The following RNF217 variants were observed in gnomAD, a reference collection of about 807,000 sequenced individuals.
The protein encoded by RNF217 is E3 ubiquitin-protein ligase RNF217.
Under a neutral mutation model 57.8 loss-of-function variants are expected in RNF217, and 31 were observed. The observed-to-expected ratio is 0.54, with a 90% CI of 0.40 to 0.72. The LOEUF is 0.72. Ranked by LOEUF, RNF217 falls within the 30% of genes least tolerant of loss-of-function variation. The pLI, the probability that RNF217 is intolerant of heterozygous loss-of-function variation, is 0.00. For missense variants in RNF217, 696 were observed against 708.3 expected (o/e 0.98, Z 0.20); for synonymous variants, 313 against 294.0 (o/e 1.06, Z -0.66).
intron 1 of RNF217, among the ~76,000 whole-genome samples, chr6:125,040,030 C>A (rs756139809): frequency 6.7e-6 from 1 of 150,258 alleles, no homozygotes; most frequent in Admixed American, 6.6e-5. Flanking sequence ...AACATCACAA[C>A]TGTAGAGAAG....
At chr6:125,081,017 A>G (rs1316119411) in intron 4 of RNF217, among the ~76,000 whole-genome samples, 1 of 152,034 alleles carries the variant, frequency 6.6e-6, no homozygotes, top group Non-Finnish European at 1.5e-5. Flanking sequence ...TGTAGGACCT[A>G]CCAGCTCTCC....
chr6:125,013,409 C>T (rs754975390), intron 1 of RNF217, among the ~76,000 whole-genome samples: 6 of 147,914 alleles, frequency 4.1e-5, no homozygotes, highest in South Asian at 2.1e-4. Flanking sequence ...AGAGCATGGT[C>T]GTGGAACGGT....
chr6:125,017,065 C>CT (rs1263310599), intron 1 of RNF217, among the ~76,000 whole-genome samples: 1 of 152,138 alleles, frequency 6.6e-6, no homozygotes, highest in African/African-American at 2.4e-5. Context: ...CTCTTTGCTT[C>CT]TTTTCCCTTT....
rs1019339350 is a variant in RNF217, at chr6:124,962,788, C to A, written c.244C>A (p.Arg82=). 2.5e-6 allele frequency: 4 copies of A among 1,596,890 alleles called. No individual in the cohort carries two copies. The African/African-American group carries it at 4.0e-5, about 16-fold the overall frequency. ...SLGPPGWSKS[R]APAQPAGLAL... ...GGGGCCCCCGGGCTGGAGTAAGAGC[C>A]GAGCACCGGCGCAGCCTGCGGGACT... The change falls in exon 1 of 6, where the codon CGA becomes AGA. Residue 82 remains arginine, a synonymous_variant. Coordinates refer to ENST00000521654, the MANE Select transcript of RNF217 (RefSeq NM_001286398.3). The surrounding 1 kb of genome is among the most constrained non-coding windows in gnomAD (Gnocchi z 4.6).
chr6:125,026,576 A>T (rs1382289159), intron 1 of RNF217, among the ~76,000 whole-genome samples: 5 of 152,246 alleles, frequency 3.3e-5, no homozygotes, highest in Non-Finnish European at 5.9e-5. Context: ...TTCTGTGTAG[A>T]AAGAATGACA....
At chr6:125,021,860 T>C (rs1281485472) in intron 1 of RNF217, among the ~76,000 whole-genome samples, 1 of 151,998 alleles carries the variant, frequency 6.6e-6, no homozygotes, top group East Asian at 1.9e-4. Context: ...ATTCCCAGGA[T>C]TGTCATTAAA....
chr6:125,034,308 C>T (rs970757986), intron 1 of RNF217, among the ~76,000 whole-genome samples: 11 of 152,076 alleles, frequency 7.2e-5, no homozygotes, highest in Non-Finnish European at 1.6e-4. Context: ...AGGTTTTGTT[C>T]TAGGGTTTTT....
chr6:125,048,950 T>G (rs1787202157), intron 2 of RNF217, among the ~76,000 whole-genome samples: 1 of 152,042 alleles, frequency 6.6e-6, no homozygotes, highest in South Asian at 2.1e-4. Context: ...AGATTTACAT[T>G]CAGACAACCT....
rs1788918610 is a variant in RNF217, at chr6:125,090,834, A to C, written c.*7897A>C. The C allele has an allele frequency of 6.6e-6, 1 of 151,916 alleles. No individual in the cohort carries two copies. The highest frequency in any genetic ancestry group is 2.4e-5 in the African/African-American group (1 of 41,440). The allele number at this position is 151,916 out of a possible 1,614,324, so 9.4% of individuals were successfully genotyped here. A position where few individuals can be genotyped will look rare whatever the true frequency, so the allele number is the denominator to read the frequency against. On this transcript the variant is annotated 3_prime_UTR_variant, in exon 6 of 6. Coordinates refer to ENST00000521654, the MANE Select transcript of RNF217 (RefSeq NM_001286398.3). ...TATTGGAAAATATTTATGCAATTTT[A>C]TTTTTTAACCTTTTCTCCATTTCAT...
Position 125,076,653 on chromosome 6 carries a change from A to T in RNF217, c.1282-4A>T, listed in dbSNP as rs890841407. ...CCTTCTCCTTCCCTCTCTTGCTGATACAGATCCACATCCAGCGAACTGAAG... is the reference window on the plus strand; with the variant it reads ...CCTTCTCCTTCCCTCTCTTGCTGATTCAGATCCACATCCAGCGAACTGAAG... On this transcript the variant is annotated splice_region_variant and splice_polypyrimidine_tract_variant and intron_variant, in intron 3 of 5. Coordinates refer to ENST00000521654, the MANE Select transcript of RNF217 (RefSeq NM_001286398.3). The T allele has an allele frequency of 6.2e-7, 1 of 1,604,286 alleles. No individual in the cohort carries two copies. The highest frequency in any genetic ancestry group is 1.3e-5 in the African/African-American group (1 of 74,648).
Position 125,045,196 on chromosome 6 carries a change from T to C in RNF217, c.883-15T>C, listed in dbSNP as rs775372600. 6.4e-7 allele frequency: 1 copy of C among 1,564,806 alleles called. No individual in the cohort carries two copies. The highest frequency in any genetic ancestry group is 1.8e-5 in the Admixed American group (1 of 56,608). Reference sequence around the variant, plus strand: ...GTGACGTTTTTTTCCTTCCATCTGCTCTTCCATCATGCAGGTACAACTTGG... The same window carrying C: ...GTGACGTTTTTTTCCTTCCATCTGCCCTTCCATCATGCAGGTACAACTTGG... On this transcript the variant is annotated splice_polypyrimidine_tract_variant and intron_variant, in intron 1 of 5. Coordinates refer to ENST00000521654, the MANE Select transcript of RNF217 (RefSeq NM_001286398.3).
At chr6:124,971,327 G>C (rs62431249) in intron 1 of RNF217, 2 of 159,218 alleles carry the variant, frequency 1.3e-5, no homozygotes, top group South Asian at 3.1e-4. Context: ...TTGAGGAAGC[G>C]AAAGGCTGCC....
At chr6:124,985,328 G>A (rs762466946) in intron 1 of RNF217, among the ~76,000 whole-genome samples, 2 of 152,100 alleles carry the variant, frequency 1.3e-5, no homozygotes, top group Non-Finnish European at 2.9e-5. Flanking sequence ...ATACATAATA[G>A]GTATGTATAT....
chr6:124,981,795 G>C (rs1251370637), intron 1 of RNF217, among the ~76,000 whole-genome samples: 1 of 151,330 alleles, frequency 6.6e-6, no homozygotes, highest in Non-Finnish European at 1.5e-5. Flanking sequence ...GAGGCAGGCA[G>C]ACCACTAGGT....
intron 1 of RNF217, chr6:124,983,365 T>G (rs1784246469): frequency 4.1e-6 from 4 of 984,754 alleles, no homozygotes; most frequent in Non-Finnish European, 4.8e-6. Flanking sequence ...GTGTACTTTA[T>G]TTAGTATACA....
chr6:124,988,135 G>A lies in RNF217; in HGVS notation c.882+24709G>A, dbSNP rs115275795. ...ACTGTATTGTGAACTGCACATGCGA[G>A]GGATCTGGGTTGCACGCTCCTTATG... On this transcript the variant is annotated intron_variant, in intron 1 of 5. Coordinates refer to ENST00000521654, the MANE Select transcript of RNF217 (RefSeq NM_001286398.3). 3.8e-4 allele frequency among the ~76,000 whole-genome samples: 58 copies of A among 152,182 alleles called. 2 individuals are homozygous for A. Among genetic ancestry groups the A allele is most frequent in the African/African-American group, 1.3e-3 (52 of 41,504 alleles).
At chr6:125,069,905 C>T (rs1368894746) in intron 3 of RNF217, among the ~76,000 whole-genome samples, 1 of 152,034 alleles carries the variant, frequency 6.6e-6, no homozygotes. Context: ...TTTTTGGTTA[C>T]ATGGGTAAAT....
At chr6:125,034,805 G>A (rs1319797170) in intron 1 of RNF217, among the ~76,000 whole-genome samples, 3 of 151,944 alleles carry the variant, frequency 2.0e-5, no homozygotes, top group Non-Finnish European at 2.9e-5. Context: ...CCATTTTCAC[G>A]ATATTGATTC....
intron 1 of RNF217, among the ~76,000 whole-genome samples, chr6:125,020,528 C>T (rs1325497003): frequency 6.6e-6 from 1 of 151,990 alleles, no homozygotes; most frequent in Non-Finnish European, 1.5e-5. Context: ...CTTTATAGAA[C>T]CATGATTCAT....
Sources: gnomAD v4.1 joint callset for allele counts (sites outside exome capture counted in the v4.1 genomes callset) on GRCh38, gnomAD v4.1.1 for gene constraint, Gnocchi (gnomAD v3.1) non-coding constraint, MANE v1.5 for transcripts, NCBI Gene and HGNC (gene_info 2026-07-23, HGNC 2026-07-21) for gene names.